Variants in FER observed in about 807,000 individuals in gnomAD.
FER encodes tyrosine-protein kinase Fer.
In FER, 63 loss-of-function variants were observed where a neutral mutation model predicts 111.0. The ratio of observed to expected loss-of-function variants is 0.57; its 90% CI spans 0.46 to 0.70. The LOEUF (loss-of-function observed/expected upper bound fraction) is 0.70, where lower values mean the gene tolerates loss of function less well. Among genes scored for constraint, FER ranks in the 30% least tolerant of loss-of-function variants. The pLI, the probability that FER is intolerant of heterozygous loss-of-function variation, is 0.00. For missense variants in FER, 914 were observed against 954.0 expected (o/e 0.96, Z 0.55); for synonymous variants, 327 against 313.9 (o/e 1.04, Z -0.44).
At chr5:109,021,476 TAAC>T (rs947118458) in intron 13 of FER, among the ~76,000 whole-genome samples, 1 of 152,082 alleles carries the variant, frequency 6.6e-6, no homozygotes, top group Non-Finnish European at 1.5e-5. Flanking sequence ...TTTAGTATTC[TAAC>T]AACATTTGCT....
At chr5:108,824,987 T>C (rs1290260782) in intron 3 of FER, among the ~76,000 whole-genome samples, 1 of 152,040 alleles carries the variant, frequency 6.6e-6, no homozygotes, top group Non-Finnish European at 1.5e-5. Flanking sequence ...TTAGGGAGTT[T>C]CAAAAGGGGA....
intron 17 of FER, among the ~76,000 whole-genome samples, chr5:109,146,222 A>ATG (rs1295804350): frequency 7.7e-6 from 1 of 129,150 alleles, no homozygotes; most frequent in Non-Finnish European, 1.6e-5. Flanking sequence ...ATATATATAT[A>ATG]TTATCTATCT....
In FER at chr5:108,807,790, G is replaced by A. The variant is rs182298144; in HGVS notation, c.207+9401G>A. Among the ~76,000 whole-genome samples the A allele has an allele frequency of 1.6e-4, 25 of 152,098 alleles. 1 individual carries two copies. In the Middle Eastern group the frequency reaches 0.014, roughly 83 times the overall value. ...TTTCTCTGAACACTGCTCTTGTTGCGTCCCAGAGATTCTGGTATGCTGTTT... is the reference window on the plus strand; with the variant it reads ...TTTCTCTGAACACTGCTCTTGTTGCATCCCAGAGATTCTGGTATGCTGTTT... On this transcript the variant is annotated intron_variant, in intron 3 of 19. Transcript: ENST00000281092.
rs116489350 is a variant in FER at position 109,095,681 on chromosome 5, G to A, written c.1925-4715G>A. Among the ~76,000 whole-genome samples, 480 of 151,896 alleles carry A rather than the reference G, an allele frequency of 3.2e-3. 1 individual carries two copies. Among genetic ancestry groups the A allele is most frequent in the African/African-American group, 0.011 (444 of 41,462 alleles). On this transcript the variant is annotated intron_variant, in intron 16 of 19. Coordinates refer to ENST00000281092, the MANE Select transcript of FER (RefSeq NM_005246.4). ...ATATTTGTCATATCGATTTTTCCCCGTCATTTCTGATGGGCTGGCTAACAG... is the reference window on the plus strand; with the variant it reads ...ATATTTGTCATATCGATTTTTCCCCATCATTTCTGATGGGCTGGCTAACAG...
chr5:109,049,626 A>G lies in FER; in HGVS notation c.1924+2428A>G, dbSNP rs143433113. Among the ~76,000 whole-genome samples the G allele has an allele frequency of 5.8e-4, 88 of 152,280 alleles. 1 individual carries two copies. In the East Asian group the frequency reaches 0.016, roughly 28 times the overall value. On this transcript the variant is annotated intron_variant, in intron 16 of 19. Transcript: ENST00000281092. ...GAATAAAGAACACTCTCCAGAACACATGATCTGATGGACAAGGTCTACATT... is the reference window on the plus strand; with the variant it reads ...GAATAAAGAACACTCTCCAGAACACGTGATCTGATGGACAAGGTCTACATT...
At chr5:108,893,549 G>A (rs1204422800) in intron 9 of FER, among the ~76,000 whole-genome samples, 1 of 152,000 alleles carries the variant, frequency 6.6e-6, no homozygotes, top group African/African-American at 2.4e-5. Flanking sequence ...TGGCCAAAAT[G>A]TCTCTCAGAA....
chr5:108,777,464 T>C (rs1176760434), intron 2 of FER, among the ~76,000 whole-genome samples: 5 of 152,174 alleles, frequency 3.3e-5, no homozygotes, highest in Admixed American at 2.6e-4. Context: ...TACATTAGGG[T>C]TCACTCTTGG....
intron 18 of FER, 120 bp from the exon 19 acceptor site, chr5:109,186,080 C>T (rs1460177987): frequency 7.3e-7 from 1 of 1,368,488 alleles, no homozygotes; most frequent in Non-Finnish European, 1.0e-6. Context: ...CATATATGTG[C>T]TCCATCATTG....
rs1216403917 is a variant in FER at position 109,128,181 on chromosome 5, T to TG, written c.2048+27663dup. 5.9e-5 allele frequency among the ~76,000 whole-genome samples: 9 copies of TG among 152,162 alleles called. No individual in the cohort carries two copies. The South Asian group carries it at 1.9e-3, about 32-fold the overall frequency. On this transcript the variant is annotated intron_variant, in intron 17 of 19. Transcript: ENST00000281092. ...TCCTACCCTCTCCTTCCTTACCCAG[T>TG]GATTGATCACACAAGTCAGTAGCAT...
rs182773626 is a variant in FER at position 109,070,888 on chromosome 5, T to C, written c.1924+23690T>C. Among the ~76,000 whole-genome samples the C allele has an allele frequency of 1.6e-4, 24 of 152,164 alleles. No individual in the cohort carries two copies. In the East Asian group the frequency reaches 4.2e-3, roughly 27 times the overall value. On this transcript the variant is annotated intron_variant, in intron 16 of 19. Coordinates refer to ENST00000281092, the MANE Select transcript of FER (RefSeq NM_005246.4). ...AATACAAACATGATTATTTCATGTA[T>C]CTTTTGCTGAAAATGGACATTTTTT...
intron 16 of FER, among the ~76,000 whole-genome samples, chr5:109,094,915 A>C (rs939622906): frequency 2.8e-4 from 43 of 152,172 alleles, no homozygotes; most frequent in African/African-American, 8.7e-4. Context: ...GTGTTTGTCA[A>C]AGTTGACTAT....
At chr5:109,152,841 G>A (rs1177523151) in intron 17 of FER, among the ~76,000 whole-genome samples, 3 of 151,908 alleles carry the variant, frequency 2.0e-5, no homozygotes, top group East Asian at 1.9e-4. Context: ...TACCACCATC[G>A]TAATAAAACT....
intron 8 of FER, among the ~76,000 whole-genome samples, chr5:108,882,882 A>G (rs13174528): frequency 0.058 from 8,748 of 151,882 alleles, 349 homozygotes; most frequent in Non-Finnish European, 0.082. Flanking sequence ...CTATACAGAA[A>G]ATACTCCTAA....
chr5:108,752,945 G>A (rs542988537), intron 1 of FER, among the ~76,000 whole-genome samples: 205 of 152,116 alleles, frequency 1.3e-3, no homozygotes, highest in African/African-American at 4.4e-3. Flanking sequence ...AGTGAAAAGA[G>A]GAGCCATTTA....
chr5:109,027,970 T>G (rs1768998814), intron 13 of FER, among the ~76,000 whole-genome samples: 1 of 152,228 alleles, frequency 6.6e-6, no homozygotes, highest in African/African-American at 2.4e-5. Context: ...AGTACTATAT[T>G]AATGACAATT....
In FER at chr5:108,832,748, T is replaced by G. The variant is rs532644971; in HGVS notation, c.208-22T>G. On this transcript the variant is annotated intron_variant, in intron 3 of 19. Coordinates refer to ENST00000281092, the MANE Select transcript of FER (RefSeq NM_005246.4). ...GGAAACCTTTAATGCAAATGTTTGT[T>G]TCTTTTTTTTTTTTTTTTAAGTCTT... 2.5e-5 allele frequency: 36 copies of G among 1,445,618 alleles called. No homozygotes were observed. The African/African-American group carries it at 4.1e-4, about 16-fold the overall frequency. The allele number at this position is 1,445,618 out of a possible 1,614,324, so 89.5% of individuals were successfully genotyped here.
chr5:109,047,414 G>T (rs1344886481), intron 16 of FER, among the ~76,000 whole-genome samples: 1 of 151,958 alleles, frequency 6.6e-6, no homozygotes, highest in Non-Finnish European at 1.5e-5. Flanking sequence ...TTAAAAGGCA[G>T]ATTTATTATT....
intron 17 of FER, among the ~76,000 whole-genome samples, chr5:109,122,642 G>T (rs1181867118): frequency 1.4e-5 from 2 of 146,668 alleles, no homozygotes; most frequent in African/African-American, 5.5e-5. Flanking sequence ...CTGTATGGAT[G>T]GTATGTCCAA....
chr5:109,009,782 T>A (rs1244870023), intron 13 of FER, among the ~76,000 whole-genome samples: 1 of 152,232 alleles, frequency 6.6e-6, no homozygotes, highest in Admixed American at 6.5e-5. Context: ...CTCATGTATT[T>A]GCATTCAGCT....
Sources: allele counts gnomAD v4.1 joint callset (sites outside exome capture counted in the v4.1 genomes callset), GRCh38; gene constraint gnomAD v4.1.1; transcripts MANE v1.5; gene names NCBI Gene and HGNC (gene_info 2026-07-23, HGNC 2026-07-21).